Variants in SLCO3A1 observed in about 807,000 individuals in gnomAD.
The protein encoded by SLCO3A1 is PGE1 transporter.
Under a neutral mutation model 63.1 loss-of-function variants are expected in SLCO3A1, and 27 were observed. The ratio of observed to expected loss-of-function variants is 0.43; its 90% CI spans 0.32 to 0.59. The LOEUF is 0.59. Ranked by LOEUF, SLCO3A1 falls within the 20% of genes least tolerant of loss-of-function variation. The pLI, the probability that SLCO3A1 is intolerant of heterozygous loss-of-function variation, is 0.09. For synonymous variants in SLCO3A1, 473 were observed against 409.9 expected (o/e 1.15, Z -1.86); for missense variants, 773 against 945.8 (o/e 0.82, Z 2.40).
intron 2 of SLCO3A1, among the ~76,000 whole-genome samples, chr15:91,983,161 T>A (rs1220677839): frequency 6.6e-6 from 1 of 152,256 alleles, no homozygotes; most frequent in East Asian, 1.9e-4. Flanking sequence ...GCTGTAGTGA[T>A]CAATAACTGA....
rs894229609 is a variant in SLCO3A1 at position 91,860,734 on chromosome 15, C to T, written c.180+6646C>T. 7.9e-5 allele frequency among the ~76,000 whole-genome samples: 12 copies of T among 152,236 alleles called. No homozygotes were observed. The highest frequency in any genetic ancestry group is 2.9e-4 in the African/African-American group (12 of 41,462). On this transcript the variant is annotated intron_variant, in intron 1 of 9. Coordinates refer to ENST00000318445, the MANE Select transcript of SLCO3A1 (RefSeq NM_013272.4). The surrounding 1 kb of genome is among the most constrained non-coding windows in gnomAD (Gnocchi z 5.5). ...GGCAGCCTTGTTTAAAACGTGCCTT[C>T]GCAGAGCTCAGCCTTGGTTGCCCAG... is the stretch of plus-strand genomic sequence containing the variant.
intron 9 of SLCO3A1, among the ~76,000 whole-genome samples, chr15:92,153,074 C>A (rs2048327756): frequency 6.6e-6 from 1 of 152,204 alleles, no homozygotes; most frequent in Non-Finnish European, 1.5e-5. Flanking sequence ...TCATCATACA[C>A]TGCTGTAAAG....
chr15:91,894,274 G>T lies in SLCO3A1; in HGVS notation c.181-21719G>T, dbSNP rs1897947771. ...GGTTTTATAGCATCTTGCAGGCCAG[G>T]AGGGTCCGGAGTTAGGATTTTATTC... is the stretch of plus-strand genomic sequence containing the variant. On this transcript the variant is annotated intron_variant, in intron 1 of 9. Transcript: ENST00000318445. The surrounding 1 kb of genome is among the most constrained non-coding windows in gnomAD (Gnocchi z 4.8). 6.6e-6 allele frequency among the ~76,000 whole-genome samples: 1 copy of T among 152,174 alleles called. No homozygotes were observed. The highest frequency in any genetic ancestry group is 2.4e-5 in the African/African-American group (1 of 41,438).
In SLCO3A1 at chr15:91,900,071, T is replaced by A. The variant is rs1210771057; in HGVS notation, c.181-15922T>A. The stretch of plus-strand genomic sequence containing the variant: ...TCTCTGTTAACCATTCATGGATGTT[T>A]GAGTTGTTCCCAATGTGATGTTATT... On this transcript the variant is annotated intron_variant, in intron 1 of 9. Coordinates refer to ENST00000318445, the MANE Select transcript of SLCO3A1 (RefSeq NM_013272.4). This position sits in a 1 kb window ranked among gnomAD's most constrained non-coding sequence, Gnocchi z 4.3. 6.6e-6 allele frequency among the ~76,000 whole-genome samples: 1 copy of A among 152,234 alleles called. No individual in the cohort carries two copies. Among genetic ancestry groups the A allele is most frequent in the Non-Finnish European group, 1.5e-5 (1 of 68,038 alleles).
chr15:92,121,829 C>T (rs1424869787), intron 5 of SLCO3A1, among the ~76,000 whole-genome samples: 2 of 152,224 alleles, frequency 1.3e-5, no homozygotes, highest in African/African-American at 4.8e-5. Context: ...AAGCAGCCAT[C>T]TGCAATGTGA....
In SLCO3A1 at chr15:91,967,045, T is replaced by G. The variant is rs1438019959; in HGVS notation, c.646+50587T>G. 1.3e-5 allele frequency among the ~76,000 whole-genome samples: 2 copies of G among 152,142 alleles called. No individual in the cohort carries two copies. The highest frequency in any genetic ancestry group is 2.9e-5 in the Non-Finnish European group (2 of 68,012). ...AGATACAATTTGTATTTTTGAACTC[T>G]GCTTTCAGATAACTTTATAAAGGGC... is the stretch of plus-strand genomic sequence containing the variant. On this transcript the variant is annotated intron_variant, in intron 2 of 9. Coordinates refer to ENST00000318445, the MANE Select transcript of SLCO3A1 (RefSeq NM_013272.4). The surrounding 1 kb of genome is among the most constrained non-coding windows in gnomAD (Gnocchi z 4.4).
chr15:92,171,758 T>A, intron 10 of SLCO3A1: 2 of 1,526,746 alleles, frequency 1.3e-6, no homozygotes, highest in Non-Finnish European at 1.8e-6. Flanking sequence ...CTCTTGGCTC[T>A]TCTTCCCTCC....
chr15:92,122,204 C>T (rs1414185883), intron 5 of SLCO3A1, among the ~76,000 whole-genome samples: 1 of 152,008 alleles, frequency 6.6e-6, no homozygotes, highest in Non-Finnish European at 1.5e-5. Flanking sequence ...CACCTGTTCT[C>T]CTGAAAGAGC....
At chr15:92,004,213 T>G (rs978208412) in intron 2 of SLCO3A1, among the ~76,000 whole-genome samples, 4 of 152,192 alleles carry the variant, frequency 2.6e-5, no homozygotes, top group African/African-American at 9.7e-5. Flanking sequence ...GTCTGGTTTT[T>G]GGAGCTGACA....
chr15:91,963,184 G>C (rs556572719), intron 2 of SLCO3A1, among the ~76,000 whole-genome samples: 2 of 152,012 alleles, frequency 1.3e-5, no homozygotes, highest in African/African-American at 2.4e-5. Flanking sequence ...TTATCTTGTC[G>C]TGCTTCGAGG....
chr15:91,999,264 A>G (rs1252496696), intron 2 of SLCO3A1, among the ~76,000 whole-genome samples: 2 of 152,230 alleles, frequency 1.3e-5, no homozygotes, highest in African/African-American at 2.4e-5. Context: ...ATGCACATGT[A>G]TATCCTGAAT....
At chr15:92,160,636 C>CG (rs1168257738) in intron 9 of SLCO3A1, among the ~76,000 whole-genome samples, 1 of 152,098 alleles carries the variant, frequency 6.6e-6, no homozygotes, top group Non-Finnish European at 1.5e-5. Context: ...AAATCTTCTC[C>CG]GGGGCTTCTC....
chr15:91,935,411 G>A (rs1899375972), intron 2 of SLCO3A1, among the ~76,000 whole-genome samples: 1 of 152,100 alleles, frequency 6.6e-6, no homozygotes, highest in Non-Finnish European at 1.5e-5. Flanking sequence ...AGGCATGGAG[G>A]GAGAGAACAC....
At chr15:91,879,625 G>T (rs1363268693) in intron 1 of SLCO3A1, among the ~76,000 whole-genome samples, 1 of 152,138 alleles carries the variant, frequency 6.6e-6, no homozygotes, top group Admixed American at 6.5e-5. Flanking sequence ...GAAGGTCAGG[G>T]CATTCTTATA....
chr15:92,008,480 T>C (rs2046336108), intron 2 of SLCO3A1, among the ~76,000 whole-genome samples: 1 of 152,256 alleles, frequency 6.6e-6, no homozygotes, highest in Non-Finnish European at 1.5e-5. Context: ...AGTTGCACAT[T>C]CAATGAGCTA....
At chr15:92,049,454 A>G (rs1389191681) in intron 2 of SLCO3A1, among the ~76,000 whole-genome samples, 2 of 152,144 alleles carry the variant, frequency 1.3e-5, no homozygotes, top group African/African-American at 4.8e-5. Context: ...ACTGACCCTA[A>G]GCTACCATTG....
chr15:91,970,272 T>C (rs555792189), intron 2 of SLCO3A1, among the ~76,000 whole-genome samples: 98 of 152,342 alleles, frequency 6.4e-4, no homozygotes, highest in African/African-American at 2.2e-3. Flanking sequence ...GAGCACAGCA[T>C]ATTTGCATGC....
At chr15:92,108,761 C>T (rs1329632622) in intron 4 of SLCO3A1, among the ~76,000 whole-genome samples, 1 of 152,116 alleles carries the variant, frequency 6.6e-6, no homozygotes, top group East Asian at 1.9e-4. Flanking sequence ...CTATTTCTCC[C>T]TGGAATGCCC....
intron 6 of SLCO3A1, among the ~76,000 whole-genome samples, chr15:92,127,006 C>G (rs1029076712): frequency 5.3e-5 from 8 of 152,210 alleles, no homozygotes; most frequent in African/African-American, 1.7e-4. Context: ...AGGCCTGCTC[C>G]TGCGCTTGTG....
Sources: allele counts gnomAD v4.1 joint callset (sites outside exome capture counted in the v4.1 genomes callset), GRCh38; gene constraint gnomAD v4.1.1; non-coding constraint Gnocchi (gnomAD v3.1); transcripts MANE v1.5; gene names NCBI Gene and HGNC (gene_info 2026-07-23, HGNC 2026-07-21).